Variants in EPHA6 observed in about 807,000 individuals in gnomAD.
EPHA6 encodes ephrin type-A receptor 6.
A neutral mutation model predicts 112.0 loss-of-function variants in EPHA6; 50 were observed. The ratio of observed to expected loss-of-function variants is 0.45; its 90% CI spans 0.36 to 0.56. The LOEUF (loss-of-function observed/expected upper bound fraction) is 0.56. Among genes scored for constraint, EPHA6 ranks in the 20% least tolerant of loss-of-function variants. The probability of loss-of-function intolerance (pLI) is 0.00; values close to 1 mark genes in which losing one functional copy is unlikely to be tolerated. For missense variants in EPHA6, 1,280 were observed against 1,417.4 expected (o/e 0.90, Z 1.56); for synonymous variants, 529 against 490.7 (o/e 1.08, Z -1.03).
chr3:97,151,236 G>C (rs541042445), intron 3 of EPHA6, among the ~76,000 whole-genome samples: 1 of 152,116 alleles, frequency 6.6e-6, no homozygotes, highest in Non-Finnish European at 1.5e-5. Flanking sequence ...TTCATTTTAA[G>C]TATGATTTCT....
intron 3 of EPHA6, among the ~76,000 whole-genome samples, chr3:97,016,880 C>A (rs2044284655): frequency 6.6e-6 from 1 of 152,146 alleles, no homozygotes; most frequent in African/African-American, 2.4e-5. Flanking sequence ...CTGGATGTAT[C>A]AGTACTCAGT....
chr3:97,122,419 C>T (rs944212187), intron 3 of EPHA6, among the ~76,000 whole-genome samples: 2 of 151,930 alleles, frequency 1.3e-5, no homozygotes, highest in Non-Finnish European at 2.9e-5. Context: ...CTCAGAATCA[C>T]CTGTTATACA....
intron 3 of EPHA6, among the ~76,000 whole-genome samples, chr3:97,060,525 G>C (rs1238934458): frequency 1.3e-5 from 2 of 152,264 alleles, no homozygotes; most frequent in South Asian, 2.1e-4. Flanking sequence ...GCTGAGAAAA[G>C]TGCCATGAAT....
intron 12 of EPHA6, among the ~76,000 whole-genome samples, chr3:97,594,636 A>G (rs1289362416): frequency 2.0e-5 from 3 of 152,142 alleles, no homozygotes; most frequent in African/African-American, 7.2e-5. Flanking sequence ...ACTATAGCTT[A>G]TTTCCCAAGA....
At chr3:96,858,542 T>C (rs1576161734) in intron 1 of EPHA6, among the ~76,000 whole-genome samples, 1 of 152,208 alleles carries the variant, frequency 6.6e-6, no homozygotes, top group East Asian at 1.9e-4. Context: ...CATGAAAAAG[T>C]CCCAAGTCAG....
At chr3:97,309,540 T>G (rs924139652) in intron 5 of EPHA6, among the ~76,000 whole-genome samples, 1 of 151,634 alleles carries the variant, frequency 6.6e-6, no homozygotes, top group Admixed American at 6.6e-5. Flanking sequence ...AATATTTTTA[T>G]AACAGAAATC....
intron 14 of EPHA6, among the ~76,000 whole-genome samples, chr3:97,668,942 A>AAAAAC (rs1489495432): frequency 6.7e-6 from 1 of 149,324 alleles, no homozygotes; most frequent in Non-Finnish European, 1.5e-5. Flanking sequence ...AAAAAAAAAA[A>AAAAAC]AATCCACTAA....
chr3:97,552,142 T>C (rs1263765437), intron 11 of EPHA6, among the ~76,000 whole-genome samples: 1 of 152,180 alleles, frequency 6.6e-6, no homozygotes, highest in East Asian at 1.9e-4. Context: ...ACTCAGAAAA[T>C]ATTTCACACA....
At chr3:96,874,996 A>G (rs975895380) in intron 2 of EPHA6, among the ~76,000 whole-genome samples, 1 of 152,104 alleles carries the variant, frequency 6.6e-6, no homozygotes, top group African/African-American at 2.4e-5. Context: ...CCATGAAGAA[A>G]GGAAAGATTA....
intron 3 of EPHA6, among the ~76,000 whole-genome samples, chr3:97,038,844 G>A (rs1343536288): frequency 6.6e-6 from 1 of 152,002 alleles, no homozygotes; most frequent in Admixed American, 6.6e-5. Flanking sequence ...TGGAGAGAAG[G>A]GCATCGCAGA....
intron 12 of EPHA6, among the ~76,000 whole-genome samples, chr3:97,597,863 C>T (rs1311924493): frequency 4.6e-5 from 7 of 152,112 alleles, no homozygotes; most frequent in Non-Finnish European, 1.0e-4. Context: ...AATCTAGGAT[C>T]TGGTGGATAT....
At chr3:97,532,224 A>C in intron 10 of EPHA6, 134 bp from the exon 11 acceptor site, 1 of 719,734 alleles carries the variant, frequency 1.4e-6, no homozygotes. Flanking sequence ...CTCTTTAAGA[A>C]AGAAATGTTT....
At chr3:96,922,943 A>G (rs1329297174) in intron 2 of EPHA6, among the ~76,000 whole-genome samples, 4 of 152,132 alleles carry the variant, frequency 2.6e-5, no homozygotes, top group African/African-American at 9.7e-5. Flanking sequence ...TTCCAATTCC[A>G]TTCATGTCTT....
At chr3:97,111,660 A>C (rs1047031749) in intron 3 of EPHA6, among the ~76,000 whole-genome samples, 6 of 152,164 alleles carry the variant, frequency 3.9e-5, no homozygotes, top group African/African-American at 1.4e-4. Context: ...CACAATTTAC[A>C]ACTTTCTCAA....
chr3:97,556,902 A>G (rs898737901), intron 11 of EPHA6, among the ~76,000 whole-genome samples: 1 of 152,032 alleles, frequency 6.6e-6, no homozygotes, highest in Non-Finnish European at 1.5e-5. Flanking sequence ...TAAATAATGG[A>G]TATTATGGGG....
At chr3:97,146,629 A>G (rs1044701714) in intron 3 of EPHA6, among the ~76,000 whole-genome samples, 63 of 152,132 alleles carry the variant, frequency 4.1e-4, no homozygotes, top group African/African-American at 1.5e-3. Flanking sequence ...AACTAAGCAG[A>G]AATTTTAAAA....
In EPHA6 at chr3:97,327,869, A is replaced by G. The variant is rs987173625; in HGVS notation, c.1607-77281A>G. On this transcript the variant is annotated intron_variant, in intron 5 of 17. Coordinates refer to ENST00000389672, the MANE Select transcript of EPHA6 (RefSeq NM_001080448.3). ...TATATATATGTATATGTGTGTATAT[A>G]TATATGTATATGTGTGTATATATAT... 8.7e-5 allele frequency among the ~76,000 whole-genome samples: 13 copies of G among 148,706 alleles called. 1 individual carries two copies. The highest frequency in any genetic ancestry group is 1.3e-4 in the Non-Finnish European group (9 of 67,398).
rs76481389 is a variant in EPHA6 at position 96,869,736 on chromosome 3, G to A, written c.450+2847G>A. ...TTGTTACATAGTTGTATTGGACTTA[G>A]ATATAGCCACTATAGTATATAAAAT... On this transcript the variant is annotated intron_variant, in intron 2 of 17. Coordinates refer to ENST00000389672, the MANE Select transcript of EPHA6 (RefSeq NM_001080448.3). Among the ~76,000 whole-genome samples the A allele has an allele frequency of 3.5e-3, 526 of 152,126 alleles. 4 individuals carry two copies. Among genetic ancestry groups the A allele is most frequent in the African/African-American group, 0.012 (501 of 41,542 alleles).
intron 3 of EPHA6, among the ~76,000 whole-genome samples, chr3:97,016,455 C>A (rs530127928): frequency 1.3e-5 from 2 of 152,078 alleles, no homozygotes; most frequent in South Asian, 4.1e-4. Context: ...ATAAAAAGTT[C>A]TAATAATAAA....
Sources: gnomAD v4.1 joint callset for allele counts (sites outside exome capture counted in the v4.1 genomes callset) on GRCh38, gnomAD v4.1.1 for gene constraint, MANE v1.5 for transcripts, NCBI Gene and HGNC (gene_info 2026-07-23, HGNC 2026-07-21) for gene names.